The following DIPK1B variants were observed in gnomAD, a reference collection of about 807,000 sequenced individuals.
DIPK1B encodes divergent protein kinase domain 1B.
DIPK1B carries 17 observed loss-of-function variants against 20.7 expected under a neutral mutation model. That is an observed-to-expected ratio of 0.82 (90% CI 0.56 to 1.23). DIPK1B has a LOEUF of 1.23. Ranked by LOEUF, DIPK1B falls within the 50% of genes most tolerant of loss-of-function variation. DIPK1B has a pLI of 0.00. For synonymous variants in DIPK1B, 343 were observed against 276.5 expected (o/e 1.24, Z -2.39); for missense variants, 648 against 601.8 (o/e 1.08, Z -0.80).
At chr9:136,717,521 C>G in intron 1 of DIPK1B, 56 bp from the exon 2 acceptor site, 2 of 1,566,064 alleles carry the variant, frequency 1.3e-6, no homozygotes, top group South Asian at 2.3e-5. Context: ...GGGTTGAGAG[C>G]ACCCTGAGCC....
intron 4 of DIPK1B, 114 bp downstream of exon 4, chr9:136,722,415 C>G: frequency 1.6e-6 from 2 of 1,216,328 alleles, no homozygotes; most frequent in South Asian, 3.0e-5. Flanking sequence ...CCCAAGTGGA[C>G]CCTGGGCAGA....
intron 2 of DIPK1B, chr9:136,720,860 TG>T: frequency 6.6e-6 from 1 of 152,022 alleles, no homozygotes; most frequent in Admixed American, 6.6e-5. Flanking sequence ...AGCCCTGTCC[TG>T]GCTGCACTTG....
Position 136,723,754 on chromosome 9 carries a change from T to G in DIPK1B, c.1276T>G (p.Ser426Ala). The G allele has an allele frequency of 6.5e-7, 1 of 1,534,634 alleles. No individual in the cohort carries two copies. Among genetic ancestry groups the G allele is most frequent in the Non-Finnish European group, 8.7e-7 (1 of 1,146,852 alleles). Reference protein sequence around the residue: ...HLKTLLWKKISNTKYS With the variant: ...HLKTLLWKKIANTKYS ...CAAGACTCTGCTCTGGAAGAAGATC[T>G]CCAACACCAAGTACTCTTGATGGGG... The change falls in exon 5 of 5, where the codon TCC becomes GCC. Residue 426 changes from serine (S) to alanine (A), a missense_variant. Transcript: ENST00000371692.
intron 2 of DIPK1B, among the ~76,000 whole-genome samples, chr9:136,720,717 G>C (rs1317370379): frequency 6.6e-6 from 1 of 152,210 alleles, no homozygotes; most frequent in Non-Finnish European, 1.5e-5. Flanking sequence ...TCTCAGCCTT[G>C]ACAAACAGCT....
intron 2 of DIPK1B, 173 bp from the exon 3 acceptor site, chr9:136,721,728 CCCTGCAGCCGACAGCCCCAT>C: frequency 5.1e-6 from 3 of 591,406 alleles, no homozygotes; most frequent in Non-Finnish European, 9.0e-6. Context: ...GCGGGGCTGC[CCCTGCAGCCGACAGCCCCAT>C]CCTGCAGCCA....
chr9:136,719,057 G>A (rs1846547939), intron 2 of DIPK1B, among the ~76,000 whole-genome samples: 1 of 151,840 alleles, frequency 6.6e-6, no homozygotes. Flanking sequence ...GGCCATGGGT[G>A]GGGAAGGCTG....
Position 136,723,736 on chromosome 9 carries a change from C to G in DIPK1B, c.1258C>G (p.Leu420Val). The G allele has an allele frequency of 3.9e-6, 6 of 1,535,426 alleles. No homozygotes were observed. Among genetic ancestry groups the G allele is most frequent in the Non-Finnish European group, 4.4e-6 (5 of 1,146,902 alleles). ...GCTGGTGCTCAGCCACCTCAAGACTCTGCTCTGGAAGAAGATCTCCAACAC... is the reference window on the plus strand; with the variant it reads ...GCTGGTGCTCAGCCACCTCAAGACTGTGCTCTGGAAGAAGATCTCCAACAC... ...HSLVLSHLKT[L>V]LWKKISNTKY... is the part of the protein sequence containing the mutation. The change falls in exon 5 of 5, where the codon CTG (leucine) becomes GTG (valine). Residue 420 changes from leucine (L) to valine (V), a missense_variant. Transcript: ENST00000371692.
At position 136,724,589 on chromosome 9, in the gene DIPK1B, ATCCAT is replaced by A. The variant is rs1157057965; in HGVS notation, c.*823_*827del. 1 of 152,262 alleles carries A rather than the reference ATCCAT, an allele frequency of 6.6e-6. No homozygotes were observed. The highest frequency in any genetic ancestry group is 1.5e-5 in the Non-Finnish European group (1 of 68,048). The allele number at this position is 152,262 out of a possible 1,614,324, so 9.4% of individuals were successfully genotyped here. On this transcript the variant is annotated 3_prime_UTR_variant, in exon 5 of 5. Coordinates refer to ENST00000371692, the MANE Select transcript of DIPK1B (RefSeq NM_152421.4). ...GCTCCGCAATGTGTGAGTCAAGACA[ATCCAT>A]TCCATTCAAGACCAATTTACTCTCA...
chr9:136,718,281 A>C (rs1159414273), intron 2 of DIPK1B, among the ~76,000 whole-genome samples: 4 of 150,036 alleles, frequency 2.7e-5, no homozygotes, highest in African/African-American at 5.0e-5. Flanking sequence ...CTGGTCCGGG[A>C]TAGAGACCCC....
At chr9:136,722,455 C>T (rs1283080568) in intron 4 of DIPK1B, 154 bp downstream of exon 4, 2 of 938,624 alleles carry the variant, frequency 2.1e-6, no homozygotes, top group South Asian at 1.7e-5. Flanking sequence ...TGGGCATGAG[C>T]CCTGCCAGGG....
chr9:136,718,563 G>T (rs1442154952), intron 2 of DIPK1B, among the ~76,000 whole-genome samples: 1 of 152,166 alleles, frequency 6.6e-6, no homozygotes, highest in Non-Finnish European at 1.5e-5. Flanking sequence ...CCCAGAACTG[G>T]GCAGGTCCCC....
chr9:136,717,432 G>A, intron 1 of DIPK1B, 145 bp from the exon 2 acceptor site: 1 of 890,328 alleles, frequency 1.1e-6, no homozygotes, highest in Non-Finnish European at 1.7e-6. Context: ...GGTGATTCTA[G>A]AAGACGGGGG....
In DIPK1B at chr9:136,721,948, T is replaced by TA. The variant is rs1438962895; in HGVS notation, c.226_227insA (p.Ser76TyrfsTer10). The TA allele has an allele frequency of 1.2e-6, 2 of 1,613,278 alleles. No individual in the cohort carries two copies. The highest frequency in any genetic ancestry group is 1.7e-6 in the Non-Finnish European group (2 of 1,179,968). ...TGACCAGTACCGCAAGGGGATCATC[T>TA]CGGGCTCCGTCTGCCAGGACCTGTG... On this transcript the variant is annotated frameshift_variant, in exon 3 of 5. Coordinates refer to ENST00000371692, the MANE Select transcript of DIPK1B (RefSeq NM_152421.4). LOFTEE classifies it high-confidence loss of function.
Position 136,724,491 on chromosome 9 carries a change from C to T in DIPK1B, c.*717C>T, listed in dbSNP as rs1415150256. ...GTAGCCCAGGGCACCCAGCAACCAT[C>T]CCCTAGGAGAACAGGCAAGGACCCT... On this transcript the variant is annotated 3_prime_UTR_variant, in exon 5 of 5. Coordinates refer to ENST00000371692, the MANE Select transcript of DIPK1B (RefSeq NM_152421.4). Among the ~76,000 whole-genome samples the T allele has an allele frequency of 1.3e-5, 2 of 152,248 alleles. No homozygotes were observed. The highest frequency in any genetic ancestry group is 2.9e-5 in the Non-Finnish European group (2 of 68,040).
At chr9:136,722,859 C>G (rs1277329340) in intron 4 of DIPK1B, 103 bp from the exon 5 acceptor site, 3 of 1,238,872 alleles carry the variant, frequency 2.4e-6, no homozygotes, top group Non-Finnish European at 3.3e-6. Context: ...ATGTGCTGGT[C>G]TGGCCGGCAG....
chr9:136,714,055 C>A (rs1045762038), intron 1 of DIPK1B, among the ~76,000 whole-genome samples: 2 of 152,182 alleles, frequency 1.3e-5, no homozygotes, highest in Non-Finnish European at 2.9e-5. Flanking sequence ...AAGCTTTGCC[C>A]GTCCATCTGT....
At chr9:136,722,876 C>A in intron 4 of DIPK1B, 86 bp from the exon 5 acceptor site, 1 of 1,393,322 alleles carries the variant, frequency 7.2e-7, no homozygotes, top group Non-Finnish European at 9.6e-7. Flanking sequence ...GCAGACCACC[C>A]CGCCAGGAGG....
Position 136,722,160 on chromosome 9 carries a change from C to G in DIPK1B, c.342C>G (p.Thr114=), listed in dbSNP as rs772908596. The G allele has an allele frequency of 1.2e-6, 2 of 1,613,900 alleles. No homozygotes were observed. The change falls in exon 4 of 5, where the codon ACC becomes ACG. Residue 114 remains threonine, a synonymous_variant. Transcript: ENST00000371692. ...GGCTCTGGCGGGACAAGGATGTAAC[C>G]ATCAAGTGTGGCATTGAGGAGACCC... ...YSGLWRDKDV[T]IKCGIEETLD...
intron 1 of DIPK1B, among the ~76,000 whole-genome samples, chr9:136,714,807 C>G (rs1019955444): frequency 1.3e-4 from 20 of 152,032 alleles, no homozygotes; most frequent in South Asian, 6.2e-4. Context: ...TGGGCCCTTC[C>G]CCAGCTGCTG....
Sources: gnomAD v4.1 joint callset for allele counts (sites outside exome capture counted in the v4.1 genomes callset) on GRCh38, gnomAD v4.1.1 for gene constraint, MANE v1.5 for transcripts, NCBI Gene and HGNC (gene_info 2026-07-23, HGNC 2026-07-21) for gene names.